Variants in LRCH3 observed in about 807,000 individuals in gnomAD.
The protein encoded by LRCH3 is leucine rich repeats and calponin homology domain containing 3.
LRCH3 carries 68 observed loss-of-function variants against 104.5 expected under a neutral mutation model. That is an observed-to-expected ratio of 0.65 (90% CI 0.54 to 0.80). LRCH3 has a LOEUF of 0.80. LRCH3 is among the 30% of genes least tolerant of loss of function. The pLI is 0.00. For synonymous variants in LRCH3, 344 were observed against 361.3 expected (o/e 0.95, Z 0.54); for missense variants, 951 against 953.9 (o/e 1.00, Z 0.04).
intron 7 of LRCH3, 129 bp from the exon 8 acceptor site, chr3:197,832,068 C>A: frequency 1.2e-6 from 1 of 826,900 alleles, no homozygotes; most frequent in South Asian, 2.0e-5. Context: ...CATGTGTGAG[C>A]ACATCTAGCT....
chr3:197,818,736 A>AACT, intron 3 of LRCH3, among the ~76,000 whole-genome samples: 1 of 152,356 alleles, frequency 6.6e-6, no homozygotes, highest in Non-Finnish European at 1.5e-5. Context: ...CTAAATACTT[A>AACT]AAAGGTAGAG....
At chr3:197,805,654 G>A (rs1338279108) in intron 1 of LRCH3, among the ~76,000 whole-genome samples, 4 of 150,066 alleles carry the variant, frequency 2.7e-5, no homozygotes, top group African/African-American at 9.9e-5. Flanking sequence ...CTGATTATTG[G>A]AGTTTTTAGA....
At chr3:197,879,507 G>A (rs112867300) in intron 20 of LRCH3, among the ~76,000 whole-genome samples, 3,739 of 146,958 alleles carry the variant, frequency 0.025, 243 homozygotes, top group African/African-American at 0.091. Flanking sequence ...TTAGCCGGGC[G>A]TGGTGGCGGG....
rs1241938191 is a variant in LRCH3, at chr3:197,883,514, G to T, written c.2209-27G>T. ...ATTCATCCGATTTTCTTTTTTGTTTGTTTTCATGTTACGTTGTCCCTTTCA... is the reference window on the plus strand; with the variant it reads ...ATTCATCCGATTTTCTTTTTTGTTTTTTTTCATGTTACGTTGTCCCTTTCA... On this transcript the variant is annotated intron_variant, in intron 20 of 20. Coordinates refer to ENST00000425562, the MANE Select transcript of LRCH3 (RefSeq NM_001365715.1). The surrounding 1 kb of genome is among the most constrained non-coding windows in gnomAD (Gnocchi z 4.2). The T allele has an allele frequency of 2.6e-6, 4 of 1,520,918 alleles. No individual in the cohort carries two copies. The Admixed American group carries it at 6.3e-5, about 24-fold the overall frequency. The allele number at this position is 1,520,918 out of a possible 1,614,324, so 94.2% of individuals were successfully genotyped here. A position where few individuals can be genotyped will look rare whatever the true frequency, so the allele number is the denominator to read the frequency against.
chr3:197,879,122 T>G (rs1713248877), intron 20 of LRCH3, among the ~76,000 whole-genome samples: 1 of 152,188 alleles, frequency 6.6e-6, no homozygotes, highest in African/African-American at 2.4e-5. Context: ...TATGCTACAT[T>G]CAAAAAAACT....
At chr3:197,807,861 T>TA (rs1476869330) in intron 1 of LRCH3, among the ~76,000 whole-genome samples, 1 of 152,236 alleles carries the variant, frequency 6.6e-6, no homozygotes, top group African/African-American at 2.4e-5. Flanking sequence ...ATAGAAACCT[T>TA]ACCCCCTTCA....
chr3:197,849,284 A>G (rs1165662495), intron 12 of LRCH3, among the ~76,000 whole-genome samples: 1 of 151,308 alleles, frequency 6.6e-6, no homozygotes, highest in African/African-American at 2.4e-5. Context: ...AAAAAAAAAA[A>G]AAAAAAAAGT....
intron 14 of LRCH3, among the ~76,000 whole-genome samples, chr3:197,857,938 T>C (rs1740474283): frequency 6.6e-6 from 1 of 152,248 alleles, no homozygotes; most frequent in Non-Finnish European, 1.5e-5. Context: ...ACATACCTTT[T>C]CCTAAACACC....
At chr3:197,792,577 T>TTATATA (rs11420466) in intron 1 of LRCH3, among the ~76,000 whole-genome samples, 801 of 20,302 alleles carry the variant, frequency 0.039, 141 homozygotes, top group Middle Eastern at 0.11. Flanking sequence ...CCAGCTAATT[T>TTATATA]TATATATATA....
chr3:197,830,747 G>A, intron 6 of LRCH3, 23 bp from the exon 7 acceptor site: 1 of 1,578,922 alleles, frequency 6.3e-7, no homozygotes, highest in Non-Finnish European at 8.7e-7. Context: ...AAACTTTGCA[G>A]TAACAGAGTC....
Position 197,883,947 on chromosome 3 carries a change from CGT to C in LRCH3, c.*284_*285del. 1 of 324,304 alleles carries C rather than the reference CGT, an allele frequency of 3.1e-6. No homozygotes were observed. Among genetic ancestry groups the C allele is most frequent in the Non-Finnish European group, 5.6e-6 (1 of 177,800 alleles). The allele number at this position is 324,304 out of a possible 1,614,324, so 20.1% of individuals were successfully genotyped here. A position where few individuals can be genotyped will look rare whatever the true frequency, so the allele number is the denominator to read the frequency against. ...TGGCTGTGTTTTCCTGGAGAGCAGG[CGT>C]GTTTCACGTGCCAGAAAGCACATCT... On this transcript the variant is annotated 3_prime_UTR_variant, in exon 21 of 21. Coordinates refer to ENST00000425562, the MANE Select transcript of LRCH3 (RefSeq NM_001365715.1). The surrounding 1 kb of genome is among the most constrained non-coding windows in gnomAD (Gnocchi z 4.2).
At position 197,814,401 on chromosome 3, in the gene LRCH3, C is replaced by T. The variant is rs113070896; in HGVS notation, c.263-507C>T. Among the ~76,000 whole-genome samples the T allele has an allele frequency of 2.0e-4, 30 of 152,290 alleles. 1 individual carries two copies. Among genetic ancestry groups the T allele is most frequent in the African/African-American group, 7.0e-4 (29 of 41,560 alleles). ...GGGGAATTCTGGGGAATACAATTCACGTTGAGACTTGAATGGGGACACAGG... is the reference window on the plus strand; with the variant it reads ...GGGGAATTCTGGGGAATACAATTCATGTTGAGACTTGAATGGGGACACAGG... On this transcript the variant is annotated intron_variant, in intron 1 of 20. Coordinates refer to ENST00000425562, the MANE Select transcript of LRCH3 (RefSeq NM_001365715.1).
intron 10 of LRCH3, among the ~76,000 whole-genome samples, chr3:197,843,233 G>C (rs770689709): frequency 1.3e-5 from 2 of 152,078 alleles, no homozygotes; most frequent in Non-Finnish European, 2.9e-5. Context: ...ATAAAACCTG[G>C]AAGTTTTTTT....
chr3:197,861,936 C>T (rs1419309175), intron 15 of LRCH3, among the ~76,000 whole-genome samples: 1 of 152,210 alleles, frequency 6.6e-6, no homozygotes, highest in Non-Finnish European at 1.5e-5. Flanking sequence ...TTACACGTCT[C>T]CTCTCCTCTG....
At chr3:197,845,555 A>G (rs993058780) in intron 10 of LRCH3, among the ~76,000 whole-genome samples, 1 of 152,100 alleles carries the variant, frequency 6.6e-6, no homozygotes, top group African/African-American at 2.4e-5. Context: ...CATTCAAGCA[A>G]TATTTCTTAA....
intron 9 of LRCH3, among the ~76,000 whole-genome samples, chr3:197,837,534 C>A (rs1184930130): frequency 6.6e-6 from 1 of 152,030 alleles, no homozygotes; most frequent in East Asian, 1.9e-4. Context: ...TTTTTATTTT[C>A]CTGAACACTA....
chr3:197,855,847 C>G (rs1740177554), intron 14 of LRCH3, among the ~76,000 whole-genome samples: 1 of 152,234 alleles, frequency 6.6e-6, no homozygotes, highest in Admixed American at 6.5e-5. Context: ...AAACACATCT[C>G]ACATTTCTTT....
At chr3:197,874,417 G>A (rs1464211650) in intron 19 of LRCH3, among the ~76,000 whole-genome samples, 2 of 152,228 alleles carry the variant, frequency 1.3e-5, no homozygotes, top group African/African-American at 4.8e-5. Context: ...TGATCTGTCA[G>A]TGTCTCCCAT....
At chr3:197,825,670 G>T (rs761347170) in intron 4 of LRCH3, among the ~76,000 whole-genome samples, 46 of 151,086 alleles carry the variant, frequency 3.0e-4, no homozygotes, top group Non-Finnish European at 5.9e-4. Flanking sequence ...TAGTAGAGAC[G>T]GGGTCTCACC....
Sources: allele counts gnomAD v4.1 joint callset (sites outside exome capture counted in the v4.1 genomes callset), GRCh38; gene constraint gnomAD v4.1.1; non-coding constraint Gnocchi (gnomAD v3.1); transcripts MANE v1.5; gene names NCBI Gene and HGNC (gene_info 2026-07-23, HGNC 2026-07-21).